SEMA3F: variants seen among roughly 807,000 people sequenced by gnomAD.
The protein encoded by SEMA3F is semaphorin-3F.
A neutral mutation model predicts 98.5 loss-of-function variants in SEMA3F; 30 were observed. That is an observed-to-expected ratio of 0.30 (90% confidence interval 0.23 to 0.41). The LOEUF is 0.41. Among genes scored for constraint, SEMA3F ranks in the 10% least tolerant of loss-of-function variants. The pLI, the probability that SEMA3F is intolerant of heterozygous loss-of-function variation, is 1.00. For synonymous variants in SEMA3F, 380 were observed against 444.8 expected (o/e 0.85, Z 1.83); for missense variants, 866 against 1,119.3 (o/e 0.77, Z 3.23).
In SEMA3F at chr3:50,188,100, C is replaced by A; in HGVS notation, c.2343C>A (p.His781Gln). The A allele has an allele frequency of 6.5e-7, 1 of 1,527,964 alleles. No individual in the cohort carries two copies. The highest frequency in any genetic ancestry group is 8.8e-7 in the Non-Finnish European group (1 of 1,137,916). The allele number at this position is 1,527,964 out of a possible 1,614,324, so 94.7% of individuals were successfully genotyped here. Residue 781 changes from histidine (H) to glutamine (Q), a missense_variant, in exon 19 of 19, where the codon CAC becomes CAA. Physicochemically the swap from His to Gln is conservative, Grantham distance 24. Coordinates refer to ENST00000002829, the MANE Select transcript of SEMA3F (RefSeq NM_004186.5). The surrounding 1 kb of genome is among the most constrained non-coding windows in gnomAD (Gnocchi z 4.5). ...DQKKPRNRRH[H>Q]PPDT ...AAAAGCCCCGGAACCGCCGGCACCA[C>A]CCTCCGGACACATGAGGCCAGCTGC...
At chr3:50,172,592 G>A (rs1281292647) in intron 2 of SEMA3F, among the ~76,000 whole-genome samples, 3 of 152,168 alleles carry the variant, frequency 2.0e-5, no homozygotes, top group Non-Finnish European at 4.4e-5. Flanking sequence ...TTAGCCCCAG[G>A]GTTGTAGCTC....
At position 50,174,036 on chromosome 3, in the gene SEMA3F, A is replaced by T; in HGVS notation, c.274-16A>T. 6.2e-7 allele frequency: 1 copy of T among 1,613,758 alleles called. No homozygotes were observed. Among genetic ancestry groups the T allele is most frequent in the Non-Finnish European group, 8.5e-7 (1 of 1,179,944 alleles). Reference sequence around the variant, plus strand: ...CATGTCCAGAAGGCTGCACCTTCTGACCCCCCTCTCTGCAGATACACTGGG... The same window carrying T: ...CATGTCCAGAAGGCTGCACCTTCTGTCCCCCCTCTCTGCAGATACACTGGG... On this transcript the variant is annotated splice_polypyrimidine_tract_variant and intron_variant, in intron 3 of 18. Coordinates refer to ENST00000002829, the MANE Select transcript of SEMA3F (RefSeq NM_004186.5).
intron 7 of SEMA3F, among the ~76,000 whole-genome samples, chr3:50,178,796 C>A (rs1698911080): frequency 6.7e-6 from 1 of 148,368 alleles, no homozygotes; most frequent in Non-Finnish European, 1.5e-5. Flanking sequence ...ATTTATAGAG[C>A]TCAGGCAGAG....
rs1276160524 is a variant in SEMA3F, at chr3:50,188,539, G to A, written c.*424G>A. 1.3e-5 allele frequency: 2 copies of A among 152,488 alleles called. No homozygotes were observed. The highest frequency in any genetic ancestry group is 4.8e-5 in the African/African-American group (2 of 41,472). 9.4% of individuals were successfully genotyped at this position (152,488 alleles called of 1,614,324 possible). The stretch of plus-strand genomic sequence containing the variant: ...GCTGTGGCATAGACATGGATGCGAG[G>A]ACCACTTTGGAGACTGGGGTGGCCT... On this transcript the variant is annotated 3_prime_UTR_variant, in exon 19 of 19. Coordinates refer to ENST00000002829, the MANE Select transcript of SEMA3F (RefSeq NM_004186.5). This position sits in a 1 kb window ranked among gnomAD's most constrained non-coding sequence, Gnocchi z 4.5.
Position 50,174,056 on chromosome 3 carries a change from A to G in SEMA3F, c.278A>G (p.His93Arg), listed in dbSNP as rs1698712773. The G allele has an allele frequency of 6.2e-7, 1 of 1,614,072 alleles. No homozygotes were observed. The highest frequency in any genetic ancestry group is 8.5e-7 in the Non-Finnish European group (1 of 1,180,028). ...TTCTGACCCCCCTCTCTGCAGATAC[A>G]CTGGGCAGCCTCCCCACAGCGCATC... The part of the protein sequence containing the change: ...HDINREPLII[H>R]WAASPQRIEE... The change falls in exon 4 of 19, where the codon CAC becomes CGC. Residue 93 changes from histidine to arginine, a missense_variant. Transcript: ENST00000002829.
At position 50,175,296 on chromosome 3, in the gene SEMA3F, G is replaced by C. The variant is rs530181491; in HGVS notation, c.549+108G>C. The C allele has an allele frequency of 8.2e-5, 62 of 760,236 alleles. No homozygotes were observed. The African/African-American group carries it at 9.3e-4, about 11-fold the overall frequency. The allele number at this position is 760,236 out of a possible 1,614,324, so 47.1% of individuals were successfully genotyped here. ...TCCCCAGGGCCTCCCCTCTACCTCT[G>C]TGCCCACACCCTGTCCCCACCCCTT... On this transcript the variant is annotated intron_variant, in intron 6 of 18. Transcript: ENST00000002829.
In SEMA3F at chr3:50,155,578, G is replaced by C; in HGVS notation, c.-49+14G>C. ...GCTGCGGAAGAGGTGAGTGCAGCGGGAACCGGGAGGGAGCGGGCAGGCGGC... is the reference window on the plus strand; with the variant it reads ...GCTGCGGAAGAGGTGAGTGCAGCGGCAACCGGGAGGGAGCGGGCAGGCGGC... On this transcript the variant is annotated intron_variant, in intron 1 of 18. Transcript: ENST00000002829. The surrounding 1 kb of genome is among the most constrained non-coding windows in gnomAD (Gnocchi z 4.9). 1 of 307,800 alleles carries C rather than the reference G, an allele frequency of 3.2e-6. No homozygotes were observed. Among genetic ancestry groups the C allele is most frequent in the Non-Finnish European group, 6.0e-6 (1 of 167,636 alleles). The allele number at this position is 307,800 out of a possible 1,614,324, so 19.1% of individuals were successfully genotyped here. A position where few individuals can be genotyped will look rare whatever the true frequency, so the allele number is the denominator to read the frequency against.
At chr3:50,174,450 G>A (rs1029407579) in intron 5 of SEMA3F, 100 bp downstream of exon 5, 16 of 1,431,000 alleles carry the variant, frequency 1.1e-5, no homozygotes, top group African/African-American at 1.4e-5. Flanking sequence ...TGCCACTTCC[G>A]AGCCTTTTGA....
Position 50,166,036 on chromosome 3 carries a change from G to A in SEMA3F, c.112+6302G>A, listed in dbSNP as rs1275790835. 1.3e-5 allele frequency among the ~76,000 whole-genome samples: 2 copies of A among 152,150 alleles called. No individual in the cohort carries two copies. Among genetic ancestry groups the A allele is most frequent in the Admixed American group, 1.3e-4 (2 of 15,280 alleles). On this transcript the variant is annotated intron_variant, in intron 2 of 18. Coordinates refer to ENST00000002829, the MANE Select transcript of SEMA3F (RefSeq NM_004186.5). This position sits in a 1 kb window ranked among gnomAD's most constrained non-coding sequence, Gnocchi z 4.7. ...TCTGCAGGGCAAAGACAGACCCAAA[G>A]CAACCGGCCCCTCCAGGGATCAGGA...
intron 2 of SEMA3F, among the ~76,000 whole-genome samples, chr3:50,167,141 G>A (rs1011302797): frequency 5.9e-5 from 9 of 152,166 alleles, no homozygotes; most frequent in East Asian, 1.9e-4. Flanking sequence ...AAGCTGAGCC[G>A]GAGCCCTGAC....
At chr3:50,165,951 G>A (rs921294074) in intron 2 of SEMA3F, among the ~76,000 whole-genome samples, 2 of 152,208 alleles carry the variant, frequency 1.3e-5, no homozygotes, top group African/African-American at 4.8e-5. Context: ...GGGCTGACGG[G>A]CTGGGCTGAC....
intron 14 of SEMA3F, 27 bp from the exon 15 acceptor site, chr3:50,185,639 C>A (rs1699184723): frequency 1.2e-6 from 2 of 1,614,112 alleles, no homozygotes; most frequent in African/African-American, 2.7e-5. Flanking sequence ...TCCCTGGCAT[C>A]CCAAGCTGAT....
In SEMA3F at chr3:50,174,335, C is replaced by T. The variant is rs146091236; in HGVS notation, c.441C>T (p.Arg147=). 1.0e-3 allele frequency: 1,662 copies of T among 1,612,156 alleles called. 2 individuals carry two copies. The highest frequency in any genetic ancestry group is 1.3e-3 in the Non-Finnish European group (1,542 of 1,179,454). The change falls in exon 5 of 19, where the codon CGC becomes CGT. Residue 147 remains arginine (R), a synonymous_variant. Transcript: ENST00000002829. Reference sequence around the variant, plus strand: ...ACCCCATGTGCACCTATGTGAACCGCGGACGCCGCGCCCAGGTAAGCCCCA... The same window carrying T: ...ACCCCATGTGCACCTATGTGAACCGTGGACGCCGCGCCCAGGTAAGCCCCA... ...AYNPMCTYVN[R]GRRAQATPWT... is the part of the protein sequence containing the mutation.
rs757911696 is a variant in SEMA3F at position 50,186,689 on chromosome 3, G to A, written c.1890G>A (p.Ser630=). ...SAAFLECQPR[S]PQATVKWLFQ... ...CCTTCCTTGAGTGCCAGCCCCGCTC[G>A]CCCCAAGCCACTGTTAAGTGGCTGT... The change falls in exon 18 of 19, where the codon TCG becomes TCA. Residue 630 remains serine, a synonymous_variant. Transcript: ENST00000002829. The A allele has an allele frequency of 3.1e-5, 50 of 1,609,386 alleles. 1 individual carries two copies. The Middle Eastern group carries it at 5.0e-4, about 16-fold the overall frequency.
In SEMA3F at chr3:50,182,562, C is replaced by T; in HGVS notation, c.764-82C>T. 6.3e-7 allele frequency: 1 copy of T among 1,582,808 alleles called. No individual in the cohort carries two copies. Among genetic ancestry groups the T allele is most frequent in the Non-Finnish European group, 8.6e-7 (1 of 1,159,806 alleles). Reference sequence around the variant, plus strand: ...TGGAGAGGAGTTGGGGGTGTTCTTGCACCTGGCTGGGGATTCTGTTGGAGA... The same window carrying T: ...TGGAGAGGAGTTGGGGGTGTTCTTGTACCTGGCTGGGGATTCTGTTGGAGA... On this transcript the variant is annotated intron_variant, in intron 8 of 18. Transcript: ENST00000002829. The surrounding 1 kb of genome is among the most constrained non-coding windows in gnomAD (Gnocchi z 4.5).
At chr3:50,162,157 G>A (rs943251574) in intron 2 of SEMA3F, among the ~76,000 whole-genome samples, 13 of 152,170 alleles carry the variant, frequency 8.5e-5, no homozygotes, top group Admixed American at 7.9e-4. Flanking sequence ...GGGAGGTGCC[G>A]GTTCCTGCCT....
chr3:50,187,913 G>C lies in SEMA3F; in HGVS notation c.2156G>C (p.Gly719Ala), dbSNP rs538607746. ...TCCATGAGCGCCCCGCCACCCCCAG[G>C]CGCAGGCCCCCCAACGCCTCCTTAC... Reference protein sequence around the residue: ...PLSMSAPPPPGAGPPTPPYQE... With the variant: ...PLSMSAPPPPAAGPPTPPYQE... The change falls in exon 19 of 19, where the codon GGC becomes GCC. Residue 719 changes from glycine (G) to alanine (A), a missense_variant. Transcript: ENST00000002829. 2 of 1,608,672 alleles carry C rather than the reference G, an allele frequency of 1.2e-6. No individual in the cohort carries two copies. The highest frequency in any genetic ancestry group is 1.7e-6 in the Non-Finnish European group (2 of 1,177,278).
At chr3:50,179,800 C>T (rs914255609) in intron 7 of SEMA3F, among the ~76,000 whole-genome samples, 4 of 152,238 alleles carry the variant, frequency 2.6e-5, no homozygotes, top group South Asian at 2.1e-4. Flanking sequence ...GAACCAGCCT[C>T]CGCTGGTTTC....
chr3:50,171,678 T>C (rs779206861), intron 2 of SEMA3F, among the ~76,000 whole-genome samples: 9 of 152,010 alleles, frequency 5.9e-5, no homozygotes, highest in Non-Finnish European at 1.3e-4. Flanking sequence ...GGTGGGGGAA[T>C]GTTTACTTTC....
Sources: gnomAD v4.1 joint callset for allele counts (sites outside exome capture counted in the v4.1 genomes callset) on GRCh38, gnomAD v4.1.1 for gene constraint, Gnocchi (gnomAD v3.1) non-coding constraint, MANE v1.5 for transcripts, NCBI Gene and HGNC (gene_info 2026-07-23, HGNC 2026-07-21) for gene names.